The following MYH14 variants were observed in gnomAD, a reference collection of about 807,000 sequenced individuals.
The protein encoded by MYH14 is myosin-14.
A neutral mutation model predicts 255.5 loss-of-function variants in MYH14; 123 were observed. That is an observed-to-expected ratio of 0.48 (90% CI 0.42 to 0.56). The LOEUF is 0.56. Among genes scored for constraint, MYH14 ranks in the 20% least tolerant of loss-of-function variants. MYH14 has a pLI of 0.00. For missense variants in MYH14, 2,423 were observed against 2,802.3 expected, an observed-to-expected ratio of 0.86 and a Z score of 3.06; for synonymous variants, 1,095 against 1,161.2, an observed-to-expected ratio of 0.94 and a Z score of 1.16.
chr19:50,269,257 A>G (rs1024214378), intron 24 of MYH14, among the ~76,000 whole-genome samples: 4 of 152,110 alleles, frequency 2.6e-5, no homozygotes, highest in Admixed American at 6.5e-5. Flanking sequence ...GCTCACTGCA[A>G]CCTCCGTCTC....
At chr19:50,278,559 C>G (rs1056308845) in intron 30 of MYH14, among the ~76,000 whole-genome samples, 2 of 151,624 alleles carry the variant, frequency 1.3e-5, no homozygotes. Flanking sequence ...TTTTAATTAG[C>G]CAGGTATGCT....
chr19:50,256,439 T>C (rs999955724), intron 17 of MYH14, among the ~76,000 whole-genome samples: 1 of 152,238 alleles, frequency 6.6e-6, no homozygotes, highest in Non-Finnish European at 1.5e-5. Context: ...TGACACAATC[T>C]TGGCTCACGG....
Position 50,309,987 on chromosome 19 carries a change from G to A in MYH14, c.*197G>A, listed in dbSNP as rs576031713. 7.1e-5 allele frequency: 48 copies of A among 675,192 alleles called. 1 individual carries two copies. The South Asian group carries it at 7.5e-4, about 11-fold the overall frequency. 41.8% of individuals were successfully genotyped at this position (675,192 alleles called of 1,614,324 possible). On this transcript the variant is annotated 3_prime_UTR_variant, in exon 43 of 43. Coordinates refer to ENST00000642316, the MANE Select transcript of MYH14 (RefSeq NM_001145809.2). ...GGATGACCCCTAAACACAGAGGAGC[G>A]GGGCAGGCAGGGAGGCAATGACTGG...
rs773155673 is a variant in MYH14, at chr19:50,247,027, T to C, written c.1234T>C (p.Leu412=). Residue 412 remains leucine (L), a synonymous_variant, in exon 12 of 43, where the codon TTG becomes CTG. Transcript: ENST00000642316. ...NTAAQKLCRL[L]GLGVTDFSRA... Reference sequence around the variant, plus strand: ...AGCTGCACAGAAGCTCTGCCGCCTCTTGGGACTGGGGGTGACGGATTTCTC... The same window carrying C: ...AGCTGCACAGAAGCTCTGCCGCCTCCTGGGACTGGGGGTGACGGATTTCTC... 4.3e-6 allele frequency: 7 copies of C among 1,612,574 alleles called. No individual in the cohort carries two copies. In the South Asian group the frequency reaches 7.7e-5, roughly 18 times the overall value.
chr19:50,309,944 C>T lies in MYH14; in HGVS notation c.*154C>T. 1.3e-6 allele frequency: 1 copy of T among 776,620 alleles called. No individual in the cohort carries two copies. The highest frequency in any genetic ancestry group is 1.5e-5 in the South Asian group (1 of 64,618). 48.1% of individuals were successfully genotyped at this position (776,620 alleles called of 1,614,324 possible). A position where few individuals can be genotyped will look rare whatever the true frequency, so the allele number is the denominator to read the frequency against. On this transcript the variant is annotated 3_prime_UTR_variant, in exon 43 of 43. Coordinates refer to ENST00000642316, the MANE Select transcript of MYH14 (RefSeq NM_001145809.2). Reference sequence around the variant, plus strand: ...CATTTATCACCCCCACCTGGGTCCCCTGCAACCTCCCATCAAAGGATGACC... The same window carrying T: ...CATTTATCACCCCCACCTGGGTCCCTTGCAACCTCCCATCAAAGGATGACC...
intron 25 of MYH14, 89 bp downstream of exon 25, chr19:50,271,635 C>T: frequency 6.6e-7 from 1 of 1,523,564 alleles, no homozygotes; most frequent in East Asian, 2.4e-5. Context: ...GGGGTTACCA[C>T]ACTGCGGTTC....
intron 23 of MYH14, among the ~76,000 whole-genome samples, chr19:50,267,441 C>G (rs1397062050): frequency 6.6e-6 from 1 of 151,978 alleles, no homozygotes; most frequent in Non-Finnish European, 1.5e-5. Context: ...CACCTGAGGT[C>G]AGGAGTTCAA....
At chr19:50,299,227 CAG>C (rs2036389765) in intron 39 of MYH14, among the ~76,000 whole-genome samples, 1 of 152,142 alleles carries the variant, frequency 6.6e-6, no homozygotes, top group South Asian at 2.1e-4. Flanking sequence ...AAAATCCAGA[CAG>C]AGAGGAACTC....
intron 10 of MYH14, among the ~76,000 whole-genome samples, chr19:50,239,997 C>T (rs977961838): frequency 1.3e-5 from 2 of 152,182 alleles, no homozygotes; most frequent in African/African-American, 4.8e-5. Flanking sequence ...TGTCCCTTCC[C>T]ACCACCAGCA....
At chr19:50,286,103 T>C (rs2035880065) in intron 33 of MYH14, 1 of 165,704 alleles carries the variant, frequency 6.0e-6, no homozygotes, top group Non-Finnish European at 1.3e-5. Flanking sequence ...TAACTATGAG[T>C]TCTGTTCTCT....
chr19:50,238,153 G>A (rs2033742701), intron 10 of MYH14, among the ~76,000 whole-genome samples: 1 of 152,220 alleles, frequency 6.6e-6, no homozygotes, highest in African/African-American at 2.4e-5. Flanking sequence ...CTGGGACACA[G>A]GGAGGCATGC....
At position 50,267,011 on chromosome 19, in the gene MYH14, G is replaced by A. The variant is rs765284611; in HGVS notation, c.2826+3G>A. On this transcript the variant is annotated splice_donor_region_variant and intron_variant, in intron 23 of 42. Coordinates refer to ENST00000642316, the MANE Select transcript of MYH14 (RefSeq NM_001145809.2). ...AGCTCCAGGGCCGAGTGGCACAGGTGAGGGGGCGGGGGCAGGGCGTGGGGG... is the reference window on the plus strand; with the variant it reads ...AGCTCCAGGGCCGAGTGGCACAGGTAAGGGGGCGGGGGCAGGGCGTGGGGG... 8.4e-6 allele frequency: 13 copies of A among 1,556,742 alleles called. No individual in the cohort carries two copies. The Admixed American group carries it at 2.5e-4, about 30-fold the overall frequency.
chr19:50,230,551 C>T lies in MYH14; in HGVS notation c.901C>T (p.Arg301Cys), dbSNP rs1223133544. 29 of 1,568,652 alleles carry T rather than the reference C, an allele frequency of 1.8e-5. No homozygotes were observed. The highest frequency in any genetic ancestry group is 2.3e-5 in the Non-Finnish European group (27 of 1,157,284). ...TYLLEKSRAI[R>C]QAKDECSFHI... is the part of the protein sequence containing the mutation. The stretch of plus-strand genomic sequence containing the variant: ...CCTGCTGGAGAAGTCGCGGGCCATC[C>T]GCCAGGCCAAGGACGAGTGCAGCTT... The change falls in exon 9 of 43, where the codon CGC becomes TGC. Residue 301 changes from arginine to cysteine, a missense_variant. By Grantham distance (180) the Arg-to-Cys change is radical (BLOSUM62 -3). This residue lies in a region of MYH14 where 672 missense variants were observed against 881.8 expected (regional missense o/e 0.76). Transcript: ENST00000642316. The surrounding 1 kb of genome is among the most constrained non-coding windows in gnomAD (Gnocchi z 4.7).
In MYH14 at chr19:50,310,196, T is replaced by C; in HGVS notation, c.*406T>C. On this transcript the variant is annotated 3_prime_UTR_variant, in exon 43 of 43. Coordinates refer to ENST00000642316, the MANE Select transcript of MYH14 (RefSeq NM_001145809.2). ...TTCTCTCTCTCTCTCTCTCTCTCCCTCCCTCTCCTTCCCTACCCTCTCACC... is the reference window on the plus strand; with the variant it reads ...TTCTCTCTCTCTCTCTCTCTCTCCCCCCCTCTCCTTCCCTACCCTCTCACC... 1 of 265,422 alleles carries C rather than the reference T, an allele frequency of 3.8e-6. No homozygotes were observed. The highest frequency in any genetic ancestry group is 7.2e-6 in the Non-Finnish European group (1 of 139,652). 16.4% of individuals were successfully genotyped at this position (265,422 alleles called of 1,614,324 possible). A position where few individuals can be genotyped will look rare whatever the true frequency, so the allele number is the denominator to read the frequency against.
rs1011794222 is a variant in MYH14, at chr19:50,291,140, C to A, written c.5127+92C>A. The A allele has an allele frequency of 3.8e-5, 48 of 1,272,962 alleles. No homozygotes were observed. The African/African-American group carries it at 6.9e-4, about 18-fold the overall frequency. 78.9% of individuals were successfully genotyped at this position (1,272,962 alleles called of 1,614,324 possible). On this transcript the variant is annotated intron_variant, in intron 36 of 42. Coordinates refer to ENST00000642316, the MANE Select transcript of MYH14 (RefSeq NM_001145809.2). ...GGGTCTAAGGCTAGCTCGGACCCCT[C>A]GCTCTCAACCCACAGGCAGCATCCG...
intron 10 of MYH14, among the ~76,000 whole-genome samples, chr19:50,238,350 C>T (rs535115269): frequency 2.1e-4 from 32 of 152,292 alleles, no homozygotes; most frequent in Admixed American, 1.2e-3. Context: ...CAGGTCTGGA[C>T]GGGGTCTAAG....
intron 18 of MYH14, among the ~76,000 whole-genome samples, chr19:50,258,168 G>A (rs919711572): frequency 2.6e-5 from 4 of 151,942 alleles, no homozygotes; most frequent in African/African-American, 4.8e-5. Context: ...GAGCTCAAGC[G>A]ATCCACCCGC....
Position 50,278,262 on chromosome 19 carries a change from G to A in MYH14, c.4005G>A (p.Glu1335=). 6.3e-7 allele frequency: 1 copy of A among 1,575,834 alleles called. No homozygotes were observed. Among genetic ancestry groups the A allele is most frequent in the Non-Finnish European group, 8.6e-7 (1 of 1,161,018 alleles). Reference sequence around the variant, plus strand: ...GTGATGGGGAGAGGGCACGAGCGGAGGCTGCTGAGAAGCTGCAGCGAGCCC... The same window carrying A: ...GTGATGGGGAGAGGGCACGAGCGGAAGCTGCTGAGAAGCTGCAGCGAGCCC... ...RAGDGERARA[E]AAEKLQRAQA... is the part of the protein sequence containing the mutation. Residue 1335 remains glutamate, a synonymous_variant, in exon 30 of 43, where the codon GAG becomes GAA. Coordinates refer to ENST00000642316, the MANE Select transcript of MYH14 (RefSeq NM_001145809.2).
chr19:50,288,042 C>T (rs929480942), intron 34 of MYH14, among the ~76,000 whole-genome samples: 86 of 152,278 alleles, frequency 5.6e-4, no homozygotes, highest in African/African-American at 1.8e-3. Flanking sequence ...CAAGGCTTCT[C>T]GCAGGCTCCC....
Sources: gnomAD v4.1 joint callset for allele counts (sites outside exome capture counted in the v4.1 genomes callset) on GRCh38, gnomAD v4.1.1 for gene constraint, gnomAD v4.1.1 regional missense constraint, Gnocchi (gnomAD v3.1) non-coding constraint, MANE v1.5 for transcripts, NCBI Gene and HGNC (gene_info 2026-07-23, HGNC 2026-07-21) for gene names.